PGBD4: variants seen among roughly 807,000 people sequenced by gnomAD.
PGBD4 encodes piggyBac transposable element derived 4.
A neutral mutation model predicts 0.3 loss-of-function variants in PGBD4; 1 was observed. That is an observed-to-expected ratio of 3.72 (90% confidence interval 1.32 to 17.64). The LOEUF (loss-of-function observed/expected upper bound fraction) is 17.64, where lower values mean the gene tolerates loss of function less well. PGBD4 is among the 30% of genes most tolerant of loss of function. PGBD4 has a pLI of 0.11. For synonymous variants in PGBD4, 253 were observed against 267.7 expected (o/e 0.95, Z 0.54); for missense variants, 624 against 719.7 (o/e 0.87, Z 1.52).
chr15:34,105,384 G>T lies in PGBD4; in HGVS notation c.*1095G>T, dbSNP rs913205441. On this transcript the variant is annotated 3_prime_UTR_variant, in exon 1 of 1. Transcript: ENST00000397766. ...AAGATCTTTGTTGGCCCTAAACATC[G>T]CTGTCTCTGCTACAGATTCCTATTG... 1.7e-4 allele frequency: 28 copies of T among 167,040 alleles called. 1 individual carries two copies. The highest frequency in any genetic ancestry group is 1.6e-3 in the Admixed American group (25 of 15,268). The allele number at this position is 167,040 out of a possible 1,614,324, so 10.3% of individuals were successfully genotyped here.
In PGBD4 at chr15:34,104,067, T is replaced by C; in HGVS notation, c.1536T>C (p.Asp512=). The C allele has an allele frequency of 1.2e-6, 2 of 1,614,182 alleles. No individual in the cohort carries two copies. Among genetic ancestry groups the C allele is most frequent in the Non-Finnish European group, 1.7e-6 (2 of 1,180,030 alleles). Reference sequence around the variant, plus strand: ...ATCTTCGAGGTCGTCCTTGCTCCGATGATGTCACACCTCTTCGTCTGTCTG... The same window carrying C: ...ATCTTCGAGGTCGTCCTTGCTCCGACGATGTCACACCTCTTCGTCTGTCTG... ...QQHLRGRPCS[D]DVTPLRLSGR... is the part of the protein sequence containing the mutation. The change falls in exon 1 of 1, where the codon GAT becomes GAC. Residue 512 remains aspartate (D), a synonymous_variant. Coordinates refer to ENST00000397766, the MANE Select transcript of PGBD4 (RefSeq NM_152595.5).
In PGBD4 at chr15:34,102,893, C is replaced by T; in HGVS notation, c.362C>T (p.Thr121Ile). Reference protein sequence around the residue: ...FFTEELVSKITRETNAQAALL... With the variant: ...FFTEELVSKIIRETNAQAALL... ...ACTGAGGAATTAGTTTCAAAAATTA[C>T]TAGAGAAACAAATGCCCAAGCTGCC... The change falls in exon 1 of 1, where the codon ACT (threonine) becomes ATT (isoleucine). Residue 121 changes from threonine to isoleucine, a missense_variant. Physicochemically the swap from Thr to Ile is moderately conservative, Grantham distance 89. Coordinates refer to ENST00000397766, the MANE Select transcript of PGBD4 (RefSeq NM_152595.5). The surrounding 1 kb of genome is among the most constrained non-coding windows in gnomAD (Gnocchi z 4.7). The T allele has an allele frequency of 6.2e-7, 1 of 1,614,166 alleles. No individual in the cohort carries two copies. The highest frequency in any genetic ancestry group is 8.5e-7 in the Non-Finnish European group (1 of 1,180,018).
rs997546866 is a variant in PGBD4, at chr15:34,106,825, C to T, written c.*2536C>T. ...AGTGGCATGCCTGTAGTCCCAGCTA[C>T]TCAGAAGGTTGAAGCAGGAGGATCA... On this transcript the variant is annotated 3_prime_UTR_variant, in exon 1 of 1. Transcript: ENST00000397766. 2 of 151,690 alleles carry T rather than the reference C, an allele frequency of 1.3e-5. No homozygotes were observed. Among genetic ancestry groups the T allele is most frequent in the African/African-American group, 4.8e-5 (2 of 41,280 alleles). The allele number at this position is 151,690 out of a possible 1,614,324, so 9.4% of individuals were successfully genotyped here. A position where few individuals can be genotyped will look rare whatever the true frequency, so the allele number is the denominator to read the frequency against.
Position 34,103,176 on chromosome 15 carries a change from T to G in PGBD4, c.645T>G (p.Gly215=). The change falls in exon 1 of 1, where the codon GGT becomes GGG. Residue 215 remains glycine (G), a synonymous_variant. Coordinates refer to ENST00000397766, the MANE Select transcript of PGBD4 (RefSeq NM_152595.5). This position sits in a 1 kb window ranked among gnomAD's most constrained non-coding sequence, Gnocchi z 4.6. ...TCAACAATTCTTCTATATCTGCTGGTCAATCAAAGGCCCAGATTTCATTGC... is the reference window on the plus strand; with the variant it reads ...TCAACAATTCTTCTATATCTGCTGGGCAATCAAAGGCCCAGATTTCATTGC... ...HFVNNSSISA[G]QSKAQISLQK... 6.2e-7 allele frequency: 1 copy of G among 1,614,100 alleles called. No homozygotes were observed. Among genetic ancestry groups the G allele is most frequent in the Middle Eastern group, 1.6e-4 (1 of 6,062 alleles).
In PGBD4 at chr15:34,103,364, A is replaced by G. The variant is rs1244557660; in HGVS notation, c.833A>G (p.Tyr278Cys). Residue 278 changes from tyrosine (Y) to cysteine (C), a missense_variant, in exon 1 of 1, where the codon TAT (tyrosine) becomes TGT (cysteine). Transcript: ENST00000397766. This position sits in a 1 kb window ranked among gnomAD's most constrained non-coding sequence, Gnocchi z 4.6. ...TKRVRFGLKL[Y>C]VLCESQSGYV... ...CGAGTACGATTTGGTCTGAAGCTAT[A>G]TGTACTTTGTGAAAGTCAGTCTGGT... The G allele has an allele frequency of 1.2e-6, 2 of 1,614,226 alleles. No homozygotes were observed. The highest frequency in any genetic ancestry group is 2.2e-5 in the East Asian group (1 of 44,892).
Position 34,103,787 on chromosome 15 carries a change from G to A in PGBD4, c.1256G>A (p.Arg419His), listed in dbSNP as rs572756199. ...AATGGAAAGAAAACTAAAAGGCCAC[G>A]TGTCATTGTGGATTATAACGAGAAT... Reference protein sequence around the residue: ...NRNGKKTKRPRVIVDYNENMG... With the variant: ...NRNGKKTKRPHVIVDYNENMG... Residue 419 changes from arginine to histidine, a missense_variant, in exon 1 of 1, where the codon CGT becomes CAT. By Grantham distance (29) the Arg-to-His change is conservative. Coordinates refer to ENST00000397766, the MANE Select transcript of PGBD4 (RefSeq NM_152595.5). The surrounding 1 kb of genome is among the most constrained non-coding windows in gnomAD (Gnocchi z 4.6). The A allele has an allele frequency of 3.7e-6, 6 of 1,614,138 alleles. No individual in the cohort carries two copies. Among genetic ancestry groups the A allele is most frequent in the Admixed American group, 1.7e-5 (1 of 60,022 alleles).
At position 34,104,509 on chromosome 15, in the gene PGBD4, A is replaced by G; in HGVS notation, c.*220A>G. Reference sequence around the variant, plus strand: ...TCCAAGCTACTTGGGAGGCTGAGGCAGGAGAATTGCTTGAACCCATGAGGC... The same window carrying G: ...TCCAAGCTACTTGGGAGGCTGAGGCGGGAGAATTGCTTGAACCCATGAGGC... On this transcript the variant is annotated 3_prime_UTR_variant, in exon 1 of 1. Transcript: ENST00000397766. 3.5e-6 allele frequency: 2 copies of G among 569,066 alleles called. No homozygotes were observed. The highest frequency in any genetic ancestry group is 6.3e-5 in the East Asian group (2 of 31,834). 35.3% of individuals were successfully genotyped at this position (569,066 alleles called of 1,614,324 possible).
rs1411578501 is a variant in PGBD4 at position 34,107,320 on chromosome 15, G to C, written c.*3031G>C. ...CTTTTTATGGCTGCAAAATGTTCCAGCTTATGGATGGACTGATTCTCTATC... is the reference window on the plus strand; with the variant it reads ...CTTTTTATGGCTGCAAAATGTTCCACCTTATGGATGGACTGATTCTCTATC... On this transcript the variant is annotated 3_prime_UTR_variant, in exon 1 of 1. Coordinates refer to ENST00000397766, the MANE Select transcript of PGBD4 (RefSeq NM_152595.5). 6.6e-6 allele frequency: 1 copy of C among 152,038 alleles called. No homozygotes were observed. Among genetic ancestry groups the C allele is most frequent in the African/African-American group, 2.4e-5 (1 of 41,386 alleles). The allele number at this position is 152,038 out of a possible 1,614,324, so 9.4% of individuals were successfully genotyped here. A position where few individuals can be genotyped will look rare whatever the true frequency, so the allele number is the denominator to read the frequency against.
At position 34,103,813 on chromosome 15, in the gene PGBD4, A is replaced by G; in HGVS notation, c.1282A>G (p.Met428Val). The G allele has an allele frequency of 1.2e-6, 2 of 1,614,176 alleles. No individual in the cohort carries two copies. Among genetic ancestry groups the G allele is most frequent in the Middle Eastern group, 1.6e-4 (1 of 6,062 alleles). ...PRVIVDYNENMGAVDSADQML... is the reference protein window; with the variant it reads ...PRVIVDYNENVGAVDSADQML... ...TGTCATTGTGGATTATAACGAGAAT[A>G]TGGGAGCAGTGGACTCGGCTGATCA... The change falls in exon 1 of 1, where the codon ATG becomes GTG. Residue 428 changes from methionine (M) to valine (V), a missense_variant. Coordinates refer to ENST00000397766, the MANE Select transcript of PGBD4 (RefSeq NM_152595.5). This position sits in a 1 kb window ranked among gnomAD's most constrained non-coding sequence, Gnocchi z 4.6.
Position 34,103,807 on chromosome 15 carries a change from G to A in PGBD4, c.1276G>A (p.Glu426Lys), listed in dbSNP as rs768952033. ...GCCACGTGTCATTGTGGATTATAAC[G>A]AGAATATGGGAGCAGTGGACTCGGC... Reference protein sequence around the residue: ...KRPRVIVDYNENMGAVDSADQ... With the variant: ...KRPRVIVDYNKNMGAVDSADQ... Residue 426 changes from glutamate to lysine, a missense_variant, in exon 1 of 1, where the codon GAG (glutamate) becomes AAG (lysine). Transcript: ENST00000397766. This position sits in a 1 kb window ranked among gnomAD's most constrained non-coding sequence, Gnocchi z 4.6. 1.9e-6 allele frequency: 3 copies of A among 1,614,146 alleles called. No homozygotes were observed. The highest frequency in any genetic ancestry group is 2.2e-5 in the East Asian group (1 of 44,890).
In PGBD4 at chr15:34,103,640, C is replaced by T; in HGVS notation, c.1109C>T (p.Ala370Val). Reference sequence around the variant, plus strand: ...CCAAATGATCTGAAAAAAAGGATTGCAAAGGGGACGACTGTAGCCAGATTC... The same window carrying T: ...CCAAATGATCTGAAAAAAAGGATTGTAAAGGGGACGACTGTAGCCAGATTC... The part of the protein sequence containing the change: ...QIPNDLKKRI[A>V]KGTTVARFCG... Residue 370 changes from alanine (A) to valine (V), a missense_variant, in exon 1 of 1, where the codon GCA (alanine) becomes GTA (valine). Physicochemically the swap from Ala to Val is moderately conservative, Grantham distance 64 (BLOSUM62 0). Coordinates refer to ENST00000397766, the MANE Select transcript of PGBD4 (RefSeq NM_152595.5). This position sits in a 1 kb window ranked among gnomAD's most constrained non-coding sequence, Gnocchi z 4.6. 6.2e-7 allele frequency: 1 copy of T among 1,614,134 alleles called. No homozygotes were observed. The highest frequency in any genetic ancestry group is 8.5e-7 in the Non-Finnish European group (1 of 1,180,020).
In PGBD4 at chr15:34,104,197, C is replaced by T. The variant is rs747393974; in HGVS notation, c.1666C>T (p.Arg556Trp). 4.3e-6 allele frequency: 7 copies of T among 1,614,010 alleles called. No homozygotes were observed. The highest frequency in any genetic ancestry group is 3.3e-5 in the Admixed American group (2 of 59,998). The change falls in exon 1 of 1, where the codon CGG (arginine) becomes TGG (tryptophan). Residue 556 changes from arginine (R) to tryptophan (W), a missense_variant. Arg to Trp is a moderately radical substitution (Grantham distance 101). Transcript: ENST00000397766. ...SQYDKDGKKI[R>W]KETRYFCAEC... Reference sequence around the variant, plus strand: ...ATACGACAAGGATGGCAAGAAGATCCGGAAAGAAACGCGCTATTTTTGTGC... The same window carrying T: ...ATACGACAAGGATGGCAAGAAGATCTGGAAAGAAACGCGCTATTTTTGTGC...
rs1887765315 is a variant in PGBD4, at chr15:34,106,555, G to A, written c.*2266G>A. ...AACTTGACCGCAGGTGTGTTCCTTG[G>A]TGGTCTTTATCTGATAGACTTTGTC... is the stretch of plus-strand genomic sequence containing the variant. On this transcript the variant is annotated 3_prime_UTR_variant, in exon 1 of 1. Transcript: ENST00000397766. 1 of 152,148 alleles carries A rather than the reference G, an allele frequency of 6.6e-6. No homozygotes were observed. The highest frequency in any genetic ancestry group is 1.5e-5 in the Non-Finnish European group (1 of 68,080). 9.4% of individuals were successfully genotyped at this position (152,148 alleles called of 1,614,324 possible).
chr15:34,104,224 G>A lies in PGBD4; in HGVS notation c.1693G>A (p.Glu565Lys), dbSNP rs779125361. The change falls in exon 1 of 1, where the codon GAA becomes AAA. Residue 565 changes from glutamate (E) to lysine (K), a missense_variant. By Grantham distance (56) the Glu-to-Lys change is moderately conservative. Coordinates refer to ENST00000397766, the MANE Select transcript of PGBD4 (RefSeq NM_152595.5). The part of the protein sequence containing the change: ...IRKETRYFCA[E>K]CDVPLCVVPC... ...GAAAGAAACGCGCTATTTTTGTGCC[G>A]AATGTGATGTTCCGCTTTGTGTTGT... The A allele has an allele frequency of 1.1e-5, 18 of 1,614,012 alleles. 1 individual carries two copies. In the South Asian group the frequency reaches 1.5e-4, roughly 14 times the overall value.
In PGBD4 at chr15:34,103,087, C is replaced by T; in HGVS notation, c.556C>T (p.Pro186Ser). 3 of 1,613,896 alleles carry T rather than the reference C, an allele frequency of 1.9e-6. No homozygotes were observed. Among genetic ancestry groups the T allele is most frequent in the East Asian group, 2.2e-5 (1 of 44,892 alleles). ...FWSTRPLLDTPYLRQIMTGER... is the reference protein window; with the variant it reads ...FWSTRPLLDTSYLRQIMTGER... ...GTCAACAAGGCCTCTTTTGGATACA[C>T]CTTATCTCAGGCAAATTATGACTGG... The change falls in exon 1 of 1, where the codon CCT (proline) becomes TCT (serine). Residue 186 changes from proline to serine, a missense_variant. Pro to Ser is a moderately conservative substitution (Grantham distance 74, BLOSUM62 -1). Coordinates refer to ENST00000397766, the MANE Select transcript of PGBD4 (RefSeq NM_152595.5). The surrounding 1 kb of genome is among the most constrained non-coding windows in gnomAD (Gnocchi z 4.6).
At position 34,103,588 on chromosome 15, in the gene PGBD4, A is replaced by G; in HGVS notation, c.1057A>G (p.Thr353Ala). 6.2e-7 allele frequency: 1 copy of G among 1,614,182 alleles called. No homozygotes were observed. The highest frequency in any genetic ancestry group is 1.6e-4 in the Middle Eastern group (1 of 6,062). The change falls in exon 1 of 1, where the codon ACA becomes GCA. Residue 353 changes from threonine to alanine, a missense_variant. Transcript: ENST00000397766. The surrounding 1 kb of genome is among the most constrained non-coding windows in gnomAD (Gnocchi z 4.6). ...TCAAAATAGGACTGATGCAGTTGGG[A>G]CAGCTCGTTTGAACAGAAAACAGAT... The part of the protein sequence containing the change: ...LHQNRTDAVG[T>A]ARLNRKQIPN...
At position 34,103,388 on chromosome 15, in the gene PGBD4, G is replaced by T. The variant is rs1469572007; in HGVS notation, c.857G>T (p.Gly286Val). The change falls in exon 1 of 1, where the codon GGT becomes GTT. Residue 286 changes from glycine (G) to valine (V), a missense_variant. Physicochemically the swap from Gly to Val is moderately radical, Grantham distance 109. Coordinates refer to ENST00000397766, the MANE Select transcript of PGBD4 (RefSeq NM_152595.5). This position sits in a 1 kb window ranked among gnomAD's most constrained non-coding sequence, Gnocchi z 4.6. Reference sequence around the variant, plus strand: ...TATGTACTTTGTGAAAGTCAGTCTGGTTATGTGTGGAATGCGCTTGTTCAC... The same window carrying T: ...TATGTACTTTGTGAAAGTCAGTCTGTTTATGTGTGGAATGCGCTTGTTCAC... ...KLYVLCESQS[G>V]YVWNALVHTG... The T allele has an allele frequency of 6.2e-7, 1 of 1,614,238 alleles. No individual in the cohort carries two copies. Among genetic ancestry groups the T allele is most frequent in the Non-Finnish European group, 8.5e-7 (1 of 1,180,054 alleles).
In PGBD4 at chr15:34,102,646, G is replaced by A. The variant is rs1901198615; in HGVS notation, c.115G>A (p.Asp39Asn). The A allele has an allele frequency of 6.8e-6, 11 of 1,614,102 alleles. No individual in the cohort carries two copies. Among genetic ancestry groups the A allele is most frequent in the Non-Finnish European group, 9.3e-6 (11 of 1,180,026 alleles). ...ESDFSEIDDSDNFSDSALEAD... is the reference protein window; with the variant it reads ...ESDFSEIDDSNNFSDSALEAD... ...TGATTTTTCGGAAATAGATGATTCTGATAATTTTTCGGATAGTGCTTTAGA... is the reference window on the plus strand; with the variant it reads ...TGATTTTTCGGAAATAGATGATTCTAATAATTTTTCGGATAGTGCTTTAGA... The change falls in exon 1 of 1, where the codon GAT becomes AAT. Residue 39 changes from aspartate to asparagine, a missense_variant. Coordinates refer to ENST00000397766, the MANE Select transcript of PGBD4 (RefSeq NM_152595.5). The surrounding 1 kb of genome is among the most constrained non-coding windows in gnomAD (Gnocchi z 4.7).
At position 34,107,107 on chromosome 15, in the gene PGBD4, G is replaced by A. The variant is rs528788700; in HGVS notation, c.*2818G>A. 12 of 150,762 alleles carry A rather than the reference G, an allele frequency of 8.0e-5. No homozygotes were observed. In the East Asian group the frequency reaches 2.3e-3, roughly 29 times the overall value. 9.3% of individuals were successfully genotyped at this position (150,762 alleles called of 1,614,324 possible). ...ACAAATAACATTCTAGAAATAAATT[G>A]TTTAATATAAAATACACTAATATAT... is the stretch of plus-strand genomic sequence containing the variant. On this transcript the variant is annotated 3_prime_UTR_variant, in exon 1 of 1. Coordinates refer to ENST00000397766, the MANE Select transcript of PGBD4 (RefSeq NM_152595.5).
Sources: gnomAD v4.1 joint callset for allele counts on GRCh38, gnomAD v4.1.1 for gene constraint, Gnocchi (gnomAD v3.1) non-coding constraint, MANE v1.5 for transcripts, NCBI Gene and HGNC (gene_info 2026-07-23, HGNC 2026-07-21) for gene names.